The following PCDHGA5 variants were observed in gnomAD, a reference collection of about 807,000 sequenced individuals.
PCDHGA5 encodes the protein protocadherin gamma subfamily A, 5.
PCDHGA5 carries 36 observed loss-of-function variants against 56.7 expected under a neutral mutation model. The ratio of observed to expected loss-of-function variants is 0.64; its 90% CI spans 0.49 to 0.84. The LOEUF (loss-of-function observed/expected upper bound fraction) is 0.84, where lower values mean the gene tolerates loss of function less well. PCDHGA5 is among the 40% of genes least tolerant of loss of function. PCDHGA5 has a pLI of 0.00. For missense variants in PCDHGA5, 1,305 were observed against 1,201.5 expected, an observed-to-expected ratio of 1.09 and a Z score of -1.27; for synonymous variants, 563 against 520.2, an observed-to-expected ratio of 1.08 and a Z score of -1.12.
intron 1 of PCDHGA5, chr5:141,428,099 C>T: frequency 6.8e-6 from 11 of 1,608,710 alleles, no homozygotes; most frequent in East Asian, 2.2e-5. Context: ...TGTCCTACCA[C>T]GTGCTGCAGG....
chr5:141,380,834 G>A (rs559775684), intron 1 of PCDHGA5, among the ~76,000 whole-genome samples: 114 of 152,272 alleles, frequency 7.5e-4, no homozygotes, highest in Admixed American at 3.9e-3. Flanking sequence ...TGAGGCATCA[G>A]GTAAAAATGG....
intron 1 of PCDHGA5, chr5:141,374,640 C>G: frequency 6.2e-7 from 1 of 1,612,778 alleles, no homozygotes; most frequent in African/African-American, 1.3e-5. Flanking sequence ...CAAAGCGAAG[C>G]CCATGGGCCC....
At chr5:141,422,911 G>A (rs375046528) in intron 1 of PCDHGA5, 5 of 1,614,118 alleles carry the variant, frequency 3.1e-6, no homozygotes, top group African/African-American at 2.7e-5. Flanking sequence ...CAATGCGCCC[G>A]AGATCCTGTA....
intron 1 of PCDHGA5, chr5:141,423,431 G>T: frequency 6.2e-7 from 1 of 1,614,010 alleles, no homozygotes; most frequent in South Asian, 1.1e-5. Context: ...GGGTTGGCAG[G>T]TATGCCCACG....
chr5:141,448,955 A>G (rs929888928), intron 1 of PCDHGA5, among the ~76,000 whole-genome samples: 1 of 152,174 alleles, frequency 6.6e-6, no homozygotes. Flanking sequence ...AAAAAAACAA[A>G]CAAACAAACA....
Position 141,486,617 on chromosome 5 carries a change from C to G in PCDHGA5, c.2422-8190C>G. ...GCTTTGCTCCCTTGCAGCCTCTGAC[C>G]CAGACTCTGGCTTGAATGCGCTTAT... On this transcript the variant is annotated intron_variant, in intron 1 of 3. Transcript: ENST00000518069. This position sits in a 1 kb window ranked among gnomAD's most constrained non-coding sequence, Gnocchi z 5.0. 1 of 1,613,602 alleles carries G rather than the reference C, an allele frequency of 6.2e-7. No homozygotes were observed. Among genetic ancestry groups the G allele is most frequent in the South Asian group, 1.1e-5 (1 of 91,086 alleles).
intron 1 of PCDHGA5, among the ~76,000 whole-genome samples, chr5:141,436,292 G>T (rs2097808605): frequency 6.6e-6 from 1 of 152,158 alleles, no homozygotes; most frequent in Non-Finnish European, 1.5e-5. Context: ...ACAAATCATT[G>T]AGAGTTAGAG....
At position 141,486,121 on chromosome 5, in the gene PCDHGA5, T is replaced by C. The variant is rs371827617; in HGVS notation, c.2422-8686T>C. 5.6e-6 allele frequency: 9 copies of C among 1,614,086 alleles called. No individual in the cohort carries two copies. The highest frequency in any genetic ancestry group is 2.2e-5 in the South Asian group (2 of 91,082). ...TAGACTTTGAGAGTGAGAATTACTATGAATTTGATGTGCGGGCTCGCGATG... is the reference window on the plus strand; with the variant it reads ...TAGACTTTGAGAGTGAGAATTACTACGAATTTGATGTGCGGGCTCGCGATG... On this transcript the variant is annotated intron_variant, in intron 1 of 3. Coordinates refer to ENST00000518069, the MANE Select transcript of PCDHGA5 (RefSeq NM_018918.3). This position sits in a 1 kb window ranked among gnomAD's most constrained non-coding sequence, Gnocchi z 5.0.
rs186484297 is a variant in PCDHGA5 at position 141,453,739 on chromosome 5, A to G, written c.2422-41068A>G. ...TAAAAATATTTGTTACTACAGCTTA[A>G]ATAACATAAGTCTCCTAAAAATAAT... On this transcript the variant is annotated intron_variant, in intron 1 of 3. Coordinates refer to ENST00000518069, the MANE Select transcript of PCDHGA5 (RefSeq NM_018918.3). Among the ~76,000 whole-genome samples, 2 of 152,370 alleles carry G rather than the reference A, an allele frequency of 1.3e-5. 1 individual carries two copies. Among genetic ancestry groups the G allele is most frequent in the Admixed American group, 1.3e-4 (2 of 15,300 alleles).
chr5:141,409,907 C>T (rs1370065492), intron 1 of PCDHGA5: 1 of 1,613,294 alleles, frequency 6.2e-7, no homozygotes, highest in East Asian at 2.2e-5. Flanking sequence ...AGCTCTGGGT[C>T]CTGACGGCTC....
intron 1 of PCDHGA5, among the ~76,000 whole-genome samples, chr5:141,381,978 C>T (rs1002371340): frequency 6.6e-6 from 1 of 151,452 alleles, no homozygotes; most frequent in Non-Finnish European, 1.5e-5. Flanking sequence ...TACAGGCGCG[C>T]GCCACCACGC....
intron 1 of PCDHGA5, chr5:141,393,417 A>C: frequency 6.2e-7 from 1 of 1,614,032 alleles, no homozygotes; most frequent in Non-Finnish European, 8.5e-7. Context: ...CGCCCTGGAC[A>C]GGGAGGAAGA....
At chr5:141,401,548 G>T (rs1291544476) in intron 1 of PCDHGA5, among the ~76,000 whole-genome samples, 1 of 152,162 alleles carries the variant, frequency 6.6e-6, no homozygotes, top group Non-Finnish European at 1.5e-5. Context: ...AAAAGGAAAT[G>T]CTATTGCCTG....
At chr5:141,404,620 T>C in intron 1 of PCDHGA5, 2 of 1,614,162 alleles carry the variant, frequency 1.2e-6, no homozygotes, top group Non-Finnish European at 1.7e-6. Context: ...TGGACCAGAA[T>C]GACAATGCCC....
intron 1 of PCDHGA5, among the ~76,000 whole-genome samples, chr5:141,373,025 G>T (rs1194348949): frequency 6.6e-6 from 1 of 152,092 alleles, no homozygotes; most frequent in East Asian, 1.9e-4. Context: ...TGATAGTCTT[G>T]AAACTTTTCT....
intron 2 of PCDHGA5, among the ~76,000 whole-genome samples, chr5:141,501,301 ACAC>A (rs1380901086): frequency 6.6e-6 from 1 of 150,882 alleles, no homozygotes; most frequent in African/African-American, 2.4e-5. Context: ...ACACACACAC[ACAC>A]ACACACACAC....
Position 141,431,199 on chromosome 5 carries a change from C to T in PCDHGA5, c.2422-63608C>T. 1 of 1,614,194 alleles carries T rather than the reference C, an allele frequency of 6.2e-7. No homozygotes were observed. Among genetic ancestry groups the T allele is most frequent in the East Asian group, 2.2e-5 (1 of 44,890 alleles). ...GAAATAAAAATTAGTGAAAATGCAG[C>T]CACTGAGATGCGGTTCCCTCTACCC... On this transcript the variant is annotated intron_variant, in intron 1 of 3. Transcript: ENST00000518069. This position sits in a 1 kb window ranked among gnomAD's most constrained non-coding sequence, Gnocchi z 4.8.
rs201030376 is a variant in PCDHGA5, at chr5:141,366,267, T to A, written c.1937T>A (p.Val646Asp). ...DALKQSLVVA[V>D]EDHGQPPLSA... The stretch of plus-strand genomic sequence containing the variant: ...CTCAAGCAGAGCCTCGTGGTGGCCG[T>A]CGAAGACCATGGCCAGCCCCCTCTG... Residue 646 changes from valine (V) to aspartate (D), a missense_variant, in exon 1 of 4, where the codon GTC becomes GAC. Physicochemically the swap from Val to Asp is radical, Grantham distance 152. Coordinates refer to ENST00000518069, the MANE Select transcript of PCDHGA5 (RefSeq NM_018918.3). 49 of 1,613,514 alleles carry A rather than the reference T, an allele frequency of 3.0e-5. No individual in the cohort carries two copies. Among genetic ancestry groups the A allele is most frequent in the Non-Finnish European group, 3.9e-5 (46 of 1,180,026 alleles).
chr5:141,442,119 C>T (rs563017984), intron 1 of PCDHGA5: 1 of 166,262 alleles, frequency 6.0e-6, no homozygotes, highest in African/African-American at 2.4e-5. Context: ...CCCCTCGTCG[C>T]CGACAGCCTG....
Sources: allele counts gnomAD v4.1 joint callset (sites outside exome capture counted in the v4.1 genomes callset), GRCh38; gene constraint gnomAD v4.1.1; non-coding constraint Gnocchi (gnomAD v3.1); transcripts MANE v1.5; gene names NCBI Gene and HGNC (gene_info 2026-07-23, HGNC 2026-07-21).